The following ALPK3 variants were observed in gnomAD, a reference collection of about 807,000 sequenced individuals.
ALPK3 encodes alpha kinase 3.
Under a neutral mutation model 140.0 loss-of-function variants are expected in ALPK3, and 102 were observed. The ratio of observed to expected loss-of-function variants is 0.73; its 90% confidence interval spans 0.62 to 0.86. The LOEUF (loss-of-function observed/expected upper bound fraction) is 0.86. Among genes scored for constraint, ALPK3 ranks in the 40% least tolerant of loss-of-function variants. The pLI, the probability that ALPK3 is intolerant of heterozygous loss-of-function variation, is 0.00. For synonymous variants in ALPK3, 938 were observed against 898.5 expected (o/e 1.04, Z -0.79); for missense variants, 2,254 against 2,208.2 (o/e 1.02, Z -0.42).
Position 84,817,575 on chromosome 15 carries a change from C to T in ALPK3, c.123C>T (p.Leu41=), listed in dbSNP as rs78638069. The change falls in exon 1 of 14, where the codon CTC becomes CTT. Residue 41 remains leucine (L), a synonymous_variant. Transcript: ENST00000258888. ...IPSPASRSYL[L]SVRPETSLSS... ...GCCCAGCCAGCCGGAGCTACCTGCTCAGCGTGCGGCCCGAGACCAGGTAAG... is the reference window on the plus strand; with the variant it reads ...GCCCAGCCAGCCGGAGCTACCTGCTTAGCGTGCGGCCCGAGACCAGGTAAG... 5.9e-4 allele frequency: 888 copies of T among 1,502,908 alleles called. 4 individuals carry two copies. In the African/African-American group the frequency reaches 0.012, roughly 20 times the overall value. 93.1% of individuals were successfully genotyped at this position (1,502,908 alleles called of 1,614,324 possible).
chr15:84,851,754 A>T, intron 5 of ALPK3, among the ~76,000 whole-genome samples: 1 of 152,184 alleles, frequency 6.6e-6, no homozygotes, highest in East Asian at 1.9e-4. Context: ...TCATTGGATC[A>T]ATCCTGTATT....
At chr15:84,843,887 G>C (rs1963695154) in intron 5 of ALPK3, among the ~76,000 whole-genome samples, 1 of 152,088 alleles carries the variant, frequency 6.6e-6, no homozygotes, top group Admixed American at 6.6e-5. Flanking sequence ...TTGAAGCCAG[G>C]AGTTCAAGAC....
chr15:84,856,281 A>T, intron 5 of ALPK3, 111 bp from the exon 6 acceptor site: 2 of 1,458,746 alleles, frequency 1.4e-6, no homozygotes, highest in Non-Finnish European at 9.2e-7. Flanking sequence ...AGGAGGCAAG[A>T]TTCCCATCAG....
Position 84,826,440 on chromosome 15 carries a change from G to A in ALPK3, c.183-1044G>A, listed in dbSNP as rs568965660. Among the ~76,000 whole-genome samples the A allele has an allele frequency of 1.4e-4, 22 of 152,096 alleles. No homozygotes were observed. In the South Asian group the frequency reaches 2.9e-3, roughly 20 times the overall value. ...TTGCCCCCTCACAGTCCTCTCTGCC[G>A]CTCACAATGGGATGTGTGCCTGGGG... is the stretch of plus-strand genomic sequence containing the variant. On this transcript the variant is annotated intron_variant, in intron 2 of 13. Transcript: ENST00000258888.
intron 5 of ALPK3, among the ~76,000 whole-genome samples, chr15:84,854,390 G>A (rs1963838240): frequency 6.6e-6 from 1 of 152,010 alleles, no homozygotes; most frequent in Non-Finnish European, 1.5e-5. Context: ...GGGTTCAAGC[G>A]ATTCTCTTGC....
Position 84,868,259 on chromosome 15 carries a change from A to G in ALPK3, c.4921A>G (p.Lys1641Glu), listed in dbSNP as rs1596159542. ...AHPQAKAKGS[K>E]SPSAGRKGSQ... ...CCCCCAAGCCAAAGCCAAAGGCTCT[A>G]AGAGTCCATCTGCTGGCAGGAAAGG... The change falls in exon 14 of 14, where the codon AAG becomes GAG. Residue 1641 changes from lysine to glutamate, a missense_variant. Lys to Glu is a moderately conservative substitution (Grantham distance 56, BLOSUM62 1). Around this residue, in one of 3 missense-constraint regions of ALPK3, gnomAD observed 158 missense variants for 159.8 expected, o/e 0.99. Coordinates refer to ENST00000258888, the MANE Select transcript of ALPK3 (RefSeq NM_020778.5). The G allele has an allele frequency of 6.2e-7, 1 of 1,614,190 alleles. No individual in the cohort carries two copies. Among genetic ancestry groups the G allele is most frequent in the East Asian group, 2.2e-5 (1 of 44,890 alleles).
At chr15:84,842,061 T>C (rs1963672935) in intron 5 of ALPK3, among the ~76,000 whole-genome samples, 1 of 152,230 alleles carries the variant, frequency 6.6e-6, no homozygotes, top group South Asian at 2.1e-4. Context: ...TTTTTTGAGA[T>C]GGAGTTGCCC....
intron 3 of ALPK3, among the ~76,000 whole-genome samples, chr15:84,834,628 G>A (rs538789083): frequency 5.3e-5 from 8 of 152,296 alleles, no homozygotes; most frequent in Admixed American, 2.0e-4. Context: ...CTTTTGAATC[G>A]GAGCTTCTGT....
rs912739866 is a variant in ALPK3, at chr15:84,839,635, G to T, written c.423-67G>T. 50 of 1,518,580 alleles carry T rather than the reference G, an allele frequency of 3.3e-5. No individual in the cohort carries two copies. In the African/African-American group the frequency reaches 4.4e-4, roughly 13 times the overall value. The allele number at this position is 1,518,580 out of a possible 1,614,324, so 94.1% of individuals were successfully genotyped here. ...GTGTGCCCGGCTCTGAACGGCTCTG[G>T]CTGGGGGGTGTGGGGGCTCTCACCT... On this transcript the variant is annotated intron_variant, in intron 4 of 13. Transcript: ENST00000258888.
intron 1 of ALPK3, among the ~76,000 whole-genome samples, chr15:84,821,299 G>A (rs901847928): frequency 6.6e-6 from 1 of 152,190 alleles, no homozygotes; most frequent in Non-Finnish European, 1.5e-5. Flanking sequence ...TGGTCCAGGA[G>A]CAGCAGAGCT....
chr15:84,853,536 C>T (rs2141565376), intron 5 of ALPK3, among the ~76,000 whole-genome samples: 1 of 152,292 alleles, frequency 6.6e-6, no homozygotes, highest in South Asian at 2.1e-4. Context: ...ATTGCTTGAA[C>T]CTGAGAGGTA....
At position 84,859,758 on chromosome 15, in the gene ALPK3, A is replaced by G. The variant is rs1212087461; in HGVS notation, c.3966-18A>G. On this transcript the variant is annotated intron_variant, in intron 7 of 13. Coordinates refer to ENST00000258888, the MANE Select transcript of ALPK3 (RefSeq NM_020778.5). Reference sequence around the variant, plus strand: ...CCCCCATGCCATGGCCCTCACGAGTAGGGTCTCCACTCTGCAGCGCAGGGG... The same window carrying G: ...CCCCCATGCCATGGCCCTCACGAGTGGGGTCTCCACTCTGCAGCGCAGGGG... 11 of 1,605,762 alleles carry G rather than the reference A, an allele frequency of 6.9e-6. No homozygotes were observed. The highest frequency in any genetic ancestry group is 9.3e-6 in the Non-Finnish European group (11 of 1,177,790).
At position 84,868,329 on chromosome 15, in the gene ALPK3, C is replaced by G. The variant is rs570941518; in HGVS notation, c.4991C>G (p.Pro1664Arg). The G allele has an allele frequency of 6.2e-7, 1 of 1,614,154 alleles. No individual in the cohort carries two copies. The highest frequency in any genetic ancestry group is 1.3e-5 in the African/African-American group (1 of 75,044). The change falls in exon 14 of 14, where the codon CCT becomes CGT. Residue 1664 changes from proline to arginine, a missense_variant. Physicochemically the swap from Pro to Arg is moderately radical, Grantham distance 103. Transcript: ENST00000258888. ...PQPQKKGLPS[P>R]QGTRKSAPSS... ...CCCCAGAAGAAAGGCCTCCCTAGTCCTCAGGGCACCCGGAAGAGTGCTCCA... is the reference window on the plus strand; with the variant it reads ...CCCCAGAAGAAAGGCCTCCCTAGTCGTCAGGGCACCCGGAAGAGTGCTCCA...
At chr15:84,838,599 C>CCAT (rs1379917863) in intron 3 of ALPK3, among the ~76,000 whole-genome samples, 5 of 111,838 alleles carry the variant, frequency 4.5e-5, no homozygotes, top group East Asian at 2.6e-4. Flanking sequence ...TTCTCTCCTC[C>CCAT]CATTATTATT....
In ALPK3 at chr15:84,857,117, C is replaced by G. The variant is rs887413105; in HGVS notation, c.2379C>G (p.Pro793=). The change falls in exon 6 of 14, where the codon CCC becomes CCG. Residue 793 remains proline, a synonymous_variant. Transcript: ENST00000258888. ...SRNHEQTVLG[P]LSGNLMLPAQ... is the part of the protein sequence containing the mutation. ...ACCATGAGCAAACTGTGCTGGGTCC[C>G]CTGTCAGGGAACCTCATGCTCCCAG... 6.2e-7 allele frequency: 1 copy of G among 1,614,150 alleles called. No homozygotes were observed. Among genetic ancestry groups the G allele is most frequent in the Non-Finnish European group, 8.5e-7 (1 of 1,180,016 alleles).
chr15:84,822,696 C>T (rs977619324), intron 1 of ALPK3, among the ~76,000 whole-genome samples: 1 of 152,138 alleles, frequency 6.6e-6, no homozygotes, highest in African/African-American at 2.4e-5. Context: ...TCCTAGCTGC[C>T]CCAGGCAAGA....
chr15:84,840,906 C>T lies in ALPK3; in HGVS notation c.1627C>T (p.Gln543Ter), dbSNP rs754240880. The T allele has an allele frequency of 6.2e-7, 1 of 1,607,350 alleles. No individual in the cohort carries two copies. The highest frequency in any genetic ancestry group is 2.2e-5 in the East Asian group (1 of 44,830). ...HGTRDSTLQG[Q>*]AGHRTPGEVL... ...CACCCGGGACAGCACGTTGCAGGGGCAAGCAGGCCACAGGACTCCAGGAGA... is the reference window on the plus strand; with the variant it reads ...CACCCGGGACAGCACGTTGCAGGGGTAAGCAGGCCACAGGACTCCAGGAGA... The change falls in exon 5 of 14, where the codon CAA (glutamine) becomes TAA (stop). Residue 543 changes from glutamine to a stop codon, truncating the protein, a stop_gained. Coordinates refer to ENST00000258888, the MANE Select transcript of ALPK3 (RefSeq NM_020778.5). LOFTEE classifies it high-confidence loss of function.
At chr15:84,825,910 G>A (rs946429899) in intron 2 of ALPK3, among the ~76,000 whole-genome samples, 15 of 152,306 alleles carry the variant, frequency 9.8e-5, no homozygotes, top group African/African-American at 3.6e-4. Flanking sequence ...AAAAGGAAAA[G>A]AAGCTTATTG....
intron 1 of ALPK3, among the ~76,000 whole-genome samples, chr15:84,820,893 G>A (rs1963414552): frequency 6.6e-6 from 1 of 152,128 alleles, no homozygotes; most frequent in Admixed American, 6.5e-5. Flanking sequence ...CAAAGTGTTG[G>A]GATTATAGGC....
Sources: gnomAD v4.1 joint callset for allele counts (sites outside exome capture counted in the v4.1 genomes callset) on GRCh38, gnomAD v4.1.1 for gene constraint, gnomAD v4.1.1 regional missense constraint, MANE v1.5 for transcripts, NCBI Gene and HGNC (gene_info 2026-07-23, HGNC 2026-07-21) for gene names.